BOP1: variants seen among roughly 807,000 people sequenced by gnomAD.
The protein encoded by BOP1 is BOP1 ribosomal biogenesis factor, also known as ribosome biogenesis protein BOP1.
Under a neutral mutation model 82.9 loss-of-function variants are expected in BOP1, and 54 were observed. That is an observed-to-expected ratio of 0.65 (90% confidence interval 0.52 to 0.82). BOP1 has a LOEUF of 0.82. Ranked by LOEUF, BOP1 falls within the 40% of genes least tolerant of loss-of-function variation. BOP1 has a pLI of 0.00. For synonymous variants in BOP1, 566 were observed against 451.1 expected (o/e 1.25, Z -3.23); for missense variants, 1,170 against 1,072.0 (o/e 1.09, Z -1.28).
intron 3 of BOP1, chr8:144,268,027 C>T (rs1437545265): frequency 6.5e-7 from 1 of 1,544,548 alleles, no homozygotes; most frequent in African/African-American, 1.4e-5. Context: ...TGAGATGGCA[C>T]CCAGCAGGGA....
At chr8:144,263,654 T>C in intron 10 of BOP1, 38 bp downstream of exon 10, 1 of 1,602,038 alleles carries the variant, frequency 6.2e-7, no homozygotes, top group South Asian at 1.1e-5. Context: ...CCATCCCACC[T>C]GCCCCCCAGC....
rs1163209213 is a variant in BOP1, at chr8:144,291,162, TGGGCGCGGGCGCCCA to T, written c.99+95_99+109del. ...GCACCCACGCCCAAGACCGATTCAC[TGGGCGCGGGCGCCCA>T]GGTGACAGAAGCCGGGCCCACCCGC... is the stretch of plus-strand genomic sequence containing the variant. On this transcript the variant is annotated intron_variant, in intron 1 of 15. Transcript: ENST00000569669. This position sits in a 1 kb window ranked among gnomAD's most constrained non-coding sequence, Gnocchi z 4.1. 2.2e-6 allele frequency: 2 copies of T among 918,190 alleles called. No individual in the cohort carries two copies. The highest frequency in any genetic ancestry group is 2.8e-6 in the Non-Finnish European group (2 of 702,596). The allele number at this position is 918,190 out of a possible 1,614,324, so 56.9% of individuals were successfully genotyped here.
rs1473712593 is a variant in BOP1, at chr8:144,263,591, C to G, written c.1311G>C (p.Leu437=). 1 of 1,605,764 alleles carries G rather than the reference C, an allele frequency of 6.2e-7. No individual in the cohort carries two copies. The highest frequency in any genetic ancestry group is 1.3e-5 in the African/African-American group (1 of 74,986). Residue 437 remains leucine, a synonymous_variant, in exon 11 of 16, where the codon CTG becomes CTC. Transcript: ENST00000569669. ...WLVSGSDDGS[L]RLWEVATARC... ...GGGCAGTGGCCACCTCCCAGAGCCGCAGGGAGCCGTCGTCAGAGCCTGGAT... is the reference window on the plus strand; with the variant it reads ...GGGCAGTGGCCACCTCCCAGAGCCGGAGGGAGCCGTCGTCAGAGCCTGGAT...
chr8:144,267,981 G>A (rs2130214905), intron 3 of BOP1: 1 of 1,432,104 alleles, frequency 7.0e-7, no homozygotes. Flanking sequence ...GGAAGCTGGG[G>A]AGAGCCGGGA....
In BOP1 at chr8:144,267,066, C is replaced by T. The variant is rs1845388085; in HGVS notation, c.391-1995G>A. The T allele has an allele frequency of 1.1e-5, 16 of 1,433,964 alleles. No homozygotes were observed. In the East Asian group the frequency reaches 2.4e-4, roughly 22 times the overall value. 88.8% of individuals were successfully genotyped at this position (1,433,964 alleles called of 1,614,324 possible). A position where few individuals can be genotyped will look rare whatever the true frequency, so the allele number is the denominator to read the frequency against. On this transcript the variant is annotated intron_variant, in intron 3 of 15. Transcript: ENST00000569669. ...GCCACTCCGGGCCCGCCTTCTTCCA[C>T]GCGGCGCGCGCCGGCAGCCCCCCGC...
intron 2 of BOP1, among the ~76,000 whole-genome samples, chr8:144,283,222 AAAAG>A (rs1235678227): frequency 2.1e-4 from 32 of 149,662 alleles, no homozygotes; most frequent in African/African-American, 6.2e-4. Context: ...AAAAAAAAAA[AAAAG>A]AAAGGCTCCA....
At chr8:144,273,269 G>A (rs1235053877) in intron 3 of BOP1, among the ~76,000 whole-genome samples, 1 of 152,208 alleles carries the variant, frequency 6.6e-6, no homozygotes, top group Non-Finnish European at 1.5e-5. Context: ...AGAGCAGAGG[G>A]GACCACGGGC....
Position 144,264,370 on chromosome 8 carries a change from G to A in BOP1, c.833C>T (p.Pro278Leu), listed in dbSNP as rs1323810547. ...IQPRRPRDPTPSFYDLWAQED... is the reference protein window; with the variant it reads ...IQPRRPRDPTLSFYDLWAQED... ...CTGGGCCCACAGGTCATAGAAGCTG[G>A]GGGTGGGGTCTCGGGGCCGGCGAGG... The change falls in exon 7 of 16, where the codon CCC becomes CTC. Residue 278 changes from proline (P) to leucine (L), a missense_variant. Coordinates refer to ENST00000569669, the MANE Select transcript of BOP1 (RefSeq NM_015201.5). 1.2e-6 allele frequency: 2 copies of A among 1,604,516 alleles called. No individual in the cohort carries two copies. Among genetic ancestry groups the A allele is most frequent in the East Asian group, 4.5e-5 (2 of 44,886 alleles).
intron 2 of BOP1, among the ~76,000 whole-genome samples, chr8:144,285,676 C>T (rs905289994): frequency 1.3e-5 from 2 of 152,198 alleles, no homozygotes; most frequent in South Asian, 4.1e-4. Flanking sequence ...TTCCCAGAAC[C>T]AAGGGGCACT....
At chr8:144,289,899 T>C (rs1399968213) in intron 1 of BOP1, among the ~76,000 whole-genome samples, 2 of 152,192 alleles carry the variant, frequency 1.3e-5, no homozygotes, top group South Asian at 2.1e-4. Flanking sequence ...GTCACAGGAA[T>C]GATAGAGACT....
intron 3 of BOP1, among the ~76,000 whole-genome samples, chr8:144,271,086 G>A (rs918419968): frequency 3.0e-4 from 45 of 151,822 alleles, no homozygotes; most frequent in East Asian, 5.9e-4. Flanking sequence ...AGCCCCGGCC[G>A]GCCGGCCGGG....
intron 5 of BOP1, 21 bp downstream of exon 5, chr8:144,264,693 G>C: frequency 6.4e-7 from 1 of 1,566,448 alleles, no homozygotes; most frequent in Non-Finnish European, 8.6e-7. Flanking sequence ...CGCCGCCCAG[G>C]GGCCAGCCCC....
Position 144,262,977 on chromosome 8 carries a change from G to A in BOP1, c.1770C>T (p.Ala590=). The change falls in exon 13 of 16, where the codon GCC becomes GCT. Residue 590 remains alanine, a synonymous_variant. Transcript: ENST00000569669. ...GGGACGCCACCAACAGGAAGGGCCG[G>A]GCAGGGTGGAAGGCCACTCGCTGCA... is the stretch of plus-strand genomic sequence containing the variant. The part of the protein sequence containing the change: ...GQVQRVAFHP[A]RPFLLVASQR... 3.9e-6 allele frequency: 6 copies of A among 1,551,588 alleles called. No individual in the cohort carries two copies. The highest frequency in any genetic ancestry group is 5.2e-6 in the Non-Finnish European group (6 of 1,155,688).
rs560034888 is a variant in BOP1, at chr8:144,288,692, T to C, written c.309+403A>G. Among the ~76,000 whole-genome samples the C allele has an allele frequency of 2.6e-5, 4 of 152,298 alleles. No individual in the cohort carries two copies. In the South Asian group the frequency reaches 8.3e-4, roughly 32 times the overall value. On this transcript the variant is annotated intron_variant, in intron 2 of 15. Transcript: ENST00000569669. ...TCGGCTGCTCAGGCCCCTGAAGCCCTGTGGGGTCAGGCCCAGCTGGGTTCC... is the reference window on the plus strand; with the variant it reads ...TCGGCTGCTCAGGCCCCTGAAGCCCCGTGGGGTCAGGCCCAGCTGGGTTCC...
At chr8:144,272,225 CAG>C (rs1370946473) in intron 3 of BOP1, among the ~76,000 whole-genome samples, 81 of 152,218 alleles carry the variant, frequency 5.3e-4, no homozygotes, top group African/African-American at 1.9e-3. Context: ...CCCCACAACT[CAG>C]AGCTACAACT....
chr8:144,277,025 G>A lies in BOP1; in HGVS notation c.310-721C>T, dbSNP rs1044126565. 8.3e-4 allele frequency among the ~76,000 whole-genome samples: 126 copies of A among 152,278 alleles called. No homozygotes were observed. In the East Asian group the frequency reaches 0.018, roughly 22 times the overall value. On this transcript the variant is annotated intron_variant, in intron 2 of 15. Transcript: ENST00000569669. ...GAAAACAGATTCTGCCCTCGACTGCGGAGGTGAGGATGGCTCCAACCGGAT... is the reference window on the plus strand; with the variant it reads ...GAAAACAGATTCTGCCCTCGACTGCAGAGGTGAGGATGGCTCCAACCGGAT...
intron 3 of BOP1, among the ~76,000 whole-genome samples, chr8:144,270,466 G>A (rs972247083): frequency 5.9e-5 from 9 of 152,154 alleles, no homozygotes; most frequent in African/African-American, 1.9e-4. Flanking sequence ...CCTCCGCTGC[G>A]GGCCTGACTC....
chr8:144,277,819 C>CAGGCA (rs1260145790), intron 2 of BOP1, among the ~76,000 whole-genome samples: 2 of 150,802 alleles, frequency 1.3e-5, no homozygotes, highest in Admixed American at 6.6e-5. Flanking sequence ...AGGGGCGGTG[C>CAGGCA]GGGCAGGGGC....
intron 3 of BOP1, among the ~76,000 whole-genome samples, chr8:144,272,382 A>T (rs1845505400): frequency 6.6e-6 from 1 of 152,106 alleles, no homozygotes; most frequent in African/African-American, 2.4e-5. Context: ...TCCCCTGCAG[A>T]ACAGCCCCGG....
Sources: allele counts gnomAD v4.1 joint callset (sites outside exome capture counted in the v4.1 genomes callset), GRCh38; gene constraint gnomAD v4.1.1; non-coding constraint Gnocchi (gnomAD v3.1); transcripts MANE v1.5; gene names NCBI Gene and HGNC (gene_info 2026-07-23, HGNC 2026-07-21).